KCND2: variants seen among roughly 807,000 people sequenced by gnomAD.
KCND2 encodes potassium voltage-gated channel subfamily D member 2, also known as A-type voltage-gated potassium channel KCND2.
Under a neutral mutation model 54.4 loss-of-function variants are expected in KCND2, and 16 were observed. The ratio of observed to expected loss-of-function variants is 0.29; its 90% confidence interval spans 0.20 to 0.45. The LOEUF (loss-of-function observed/expected upper bound fraction) is 0.45. Ranked by LOEUF, KCND2 falls within the 20% of genes least tolerant of loss-of-function variation. KCND2 has a pLI of 1.00. For synonymous variants in KCND2, 317 were observed against 310.7 expected (o/e 1.02, Z -0.21); for missense variants, 486 against 824.2 (o/e 0.59, Z 5.02).
intron 1 of KCND2, among the ~76,000 whole-genome samples, chr7:120,484,729 A>G (rs1802668610): frequency 6.6e-6 from 1 of 151,762 alleles, no homozygotes; most frequent in Admixed American, 6.6e-5. Context: ...ACACACACAC[A>G]CACAAAGAAT....
intron 1 of KCND2, among the ~76,000 whole-genome samples, chr7:120,561,242 G>C (rs569844257): frequency 6.6e-6 from 1 of 152,220 alleles, no homozygotes; most frequent in South Asian, 2.1e-4. Context: ...GTAAAAGATG[G>C]TATGTTCTTG....
intron 1 of KCND2, among the ~76,000 whole-genome samples, chr7:120,500,320 TC>T: frequency 6.6e-6 from 1 of 152,294 alleles, no homozygotes; most frequent in Non-Finnish European, 1.5e-5. Context: ...TCACCAATCA[TC>T]TTTTACATAA....
intron 1 of KCND2, among the ~76,000 whole-genome samples, chr7:120,694,628 G>C (rs560383058): frequency 6.6e-5 from 10 of 151,990 alleles, no homozygotes; most frequent in Non-Finnish European, 8.8e-5. Flanking sequence ...GGGGTTAGAA[G>C]GACCACCATA....
intron 1 of KCND2, among the ~76,000 whole-genome samples, chr7:120,520,343 C>A (rs1408401547): frequency 2.0e-5 from 3 of 151,940 alleles, no homozygotes; most frequent in African/African-American, 7.2e-5. Context: ...CGTAAGAATA[C>A]CTTTTACTTT....
chr7:120,396,148 G>T (rs527861648), intron 1 of KCND2, among the ~76,000 whole-genome samples: 2 of 150,782 alleles, frequency 1.3e-5, no homozygotes, highest in Non-Finnish European at 2.9e-5. Context: ...GCAATTGCTT[G>T]TTTAATTTGA....
At chr7:120,694,001 G>A (rs1236991732) in intron 1 of KCND2, among the ~76,000 whole-genome samples, 2 of 152,186 alleles carry the variant, frequency 1.3e-5, no homozygotes, top group African/African-American at 2.4e-5. Flanking sequence ...AGACTGAGGC[G>A]AGAGGATGCT....
At chr7:120,495,945 A>T (rs1802840908) in intron 1 of KCND2, among the ~76,000 whole-genome samples, 1 of 152,164 alleles carries the variant, frequency 6.6e-6, no homozygotes, top group Non-Finnish European at 1.5e-5. Flanking sequence ...TGATGTAAGC[A>T]AATGCTGGGA....
chr7:120,523,246 C>T (rs1791722214), intron 1 of KCND2, among the ~76,000 whole-genome samples: 1 of 151,934 alleles, frequency 6.6e-6, no homozygotes, highest in Non-Finnish European at 1.5e-5. Context: ...ACTTAGTAGC[C>T]TAACTGTGCT....
chr7:120,372,654 A>G (rs1177931597), intron 1 of KCND2, among the ~76,000 whole-genome samples: 5 of 151,938 alleles, frequency 3.3e-5, no homozygotes, highest in Non-Finnish European at 7.4e-5. Flanking sequence ...CCCTTTATGT[A>G]ACAAATCTCC....
intron 1 of KCND2, among the ~76,000 whole-genome samples, chr7:120,569,051 T>C (rs908144165): frequency 1.3e-5 from 2 of 152,062 alleles, no homozygotes; most frequent in African/African-American, 4.8e-5. Context: ...AAAAATAAAA[T>C]GTTAATGTTA....
chr7:120,716,680 A>C (rs995861865), intron 1 of KCND2, among the ~76,000 whole-genome samples: 2 of 152,130 alleles, frequency 1.3e-5, no homozygotes, highest in Admixed American at 1.3e-4. Context: ...TCAGTGCCCC[A>C]GTCTTCATTT....
intron 1 of KCND2, among the ~76,000 whole-genome samples, chr7:120,544,310 C>T (rs941061262): frequency 4.6e-5 from 7 of 151,680 alleles, no homozygotes; most frequent in East Asian, 1.9e-4. Flanking sequence ...GGCTCATGCT[C>T]GGATTATATT....
At chr7:120,494,053 G>T (rs1188270269) in intron 1 of KCND2, among the ~76,000 whole-genome samples, 2 of 152,052 alleles carry the variant, frequency 1.3e-5, no homozygotes, top group African/African-American at 2.4e-5. Context: ...ATATTTTTAG[G>T]AAGTTTAAAG....
chr7:120,521,350 G>GTTTT (rs1026059288), intron 1 of KCND2, among the ~76,000 whole-genome samples: 55 of 152,038 alleles, frequency 3.6e-4, no homozygotes, highest in African/African-American at 1.3e-3. Flanking sequence ...TATTACAAAT[G>GTTTT]TTTTTATTTT....
chr7:120,745,792 G>C lies in KCND2; in HGVS notation c.1480G>C (p.Val494Leu). ...AACTGTGGAACAGAATCACGAGTTT[G>C]TGGACGAACAAGTCTTTGAAGAAAG... Reference protein sequence around the residue: ...CLEKTTNHEFVDEQVFEESCM... With the variant: ...CLEKTTNHEFLDEQVFEESCM... Residue 494 changes from valine to leucine, a missense_variant, in exon 5 of 6, where the codon GTG becomes CTG. Coordinates refer to ENST00000331113, the MANE Select transcript of KCND2 (RefSeq NM_012281.3). 6.2e-7 allele frequency: 1 copy of C among 1,613,684 alleles called. No homozygotes were observed. Among genetic ancestry groups the C allele is most frequent in the Non-Finnish European group, 8.5e-7 (1 of 1,179,738 alleles).
At chr7:120,493,022 T>C (rs1802805942) in intron 1 of KCND2, among the ~76,000 whole-genome samples, 1 of 151,986 alleles carries the variant, frequency 6.6e-6, no homozygotes, top group Non-Finnish European at 1.5e-5. Context: ...TGTAATCTCA[T>C]TCATGAAGGC....
intron 1 of KCND2, among the ~76,000 whole-genome samples, chr7:120,681,841 T>G (rs963592150): frequency 1.3e-5 from 2 of 152,060 alleles, no homozygotes; most frequent in Non-Finnish European, 2.9e-5. Context: ...CTTTACCGAA[T>G]GTCCATATAA....
intron 1 of KCND2, among the ~76,000 whole-genome samples, chr7:120,452,773 T>C (rs1802133985): frequency 6.6e-6 from 1 of 152,142 alleles, no homozygotes; most frequent in African/African-American, 2.4e-5. Flanking sequence ...ACGTTAGCAG[T>C]GGAGCGTGGC....
intron 1 of KCND2, among the ~76,000 whole-genome samples, chr7:120,730,829 CAT>C (rs1453015722): frequency 1.3e-5 from 2 of 152,184 alleles, no homozygotes; most frequent in Admixed American, 6.6e-5. Context: ...TATTGACACA[CAT>C]ATGTTTTCCC....
Sources: gnomAD v4.1 joint callset for allele counts (sites outside exome capture counted in the v4.1 genomes callset) on GRCh38, gnomAD v4.1.1 for gene constraint, MANE v1.5 for transcripts, NCBI Gene and HGNC (gene_info 2026-07-23, HGNC 2026-07-21) for gene names.